PKN2: variants seen among roughly 807,000 people sequenced by gnomAD.
The protein encoded by PKN2 is serine/threonine-protein kinase N2.
In PKN2, 38 loss-of-function variants were observed where a neutral mutation model predicts 119.1. The ratio of observed to expected loss-of-function variants is 0.32; its 90% CI spans 0.25 to 0.42. The LOEUF (loss-of-function observed/expected upper bound fraction) is 0.42. PKN2 is among the 10% of genes least tolerant of loss of function. The probability of loss-of-function intolerance (pLI) is 1.00; values close to 1 mark genes in which losing one functional copy is unlikely to be tolerated. For synonymous variants in PKN2, 390 were observed against 384.9 expected (o/e 1.01, Z -0.15); for missense variants, 850 against 1,165.1 (o/e 0.73, Z 3.94).
intron 8 of PKN2, among the ~76,000 whole-genome samples, chr1:88,801,918 T>C (rs916091437): frequency 3.9e-5 from 6 of 152,224 alleles, no homozygotes; most frequent in African/African-American, 1.4e-4. Context: ...GATTACTGAT[T>C]TGCTAATAAC....
chr1:88,756,737 G>A (rs6704399), intron 2 of PKN2, among the ~76,000 whole-genome samples: 77,241 of 152,026 alleles, frequency 0.51, 20,324 homozygotes, highest in Middle Eastern at 0.7. Context: ...TTCAGTCATT[G>A]TTATAATGCG....
chr1:88,713,017 A>G (rs1667297393), intron 1 of PKN2, among the ~76,000 whole-genome samples: 1 of 152,018 alleles, frequency 6.6e-6, no homozygotes, highest in Admixed American at 6.6e-5. Flanking sequence ...GAGTGAGAAC[A>G]TGCAATGTTT....
intron 8 of PKN2, among the ~76,000 whole-genome samples, chr1:88,796,097 A>G (rs867431431): frequency 9.2e-5 from 14 of 152,336 alleles, no homozygotes; most frequent in African/African-American, 3.4e-4. Context: ...CTTTTTAGCA[A>G]CTATACAGGT....
intron 8 of PKN2, among the ~76,000 whole-genome samples, chr1:88,792,655 C>T (rs1670893467): frequency 6.6e-6 from 1 of 152,130 alleles, no homozygotes; most frequent in Non-Finnish European, 1.5e-5. Flanking sequence ...GCAAAAAATA[C>T]AAGGTTTTTG....
intron 8 of PKN2, among the ~76,000 whole-genome samples, chr1:88,790,089 C>G (rs1367575907): frequency 1.3e-5 from 2 of 152,164 alleles, no homozygotes; most frequent in Non-Finnish European, 2.9e-5. Flanking sequence ...CATTTCTTCC[C>G]CATTAGAAGC....
intron 1 of PKN2, among the ~76,000 whole-genome samples, chr1:88,729,995 T>C (rs1668074195): frequency 1.3e-5 from 2 of 152,000 alleles, no homozygotes; most frequent in South Asian, 4.1e-4. Flanking sequence ...AAACCCCGTC[T>C]CTACTAAAAA....
Position 88,812,530 on chromosome 1 carries a change from A to G in PKN2, c.2103-1027A>G, listed in dbSNP as rs1018066527. ...CAAGGCAGGAGGATTGCTTGAGACC[A>G]GAAGTTCAAGACAAGCCTGGGCAAC... On this transcript the variant is annotated intron_variant, in intron 15 of 21. Transcript: ENST00000370521. Among the ~76,000 whole-genome samples the G allele has an allele frequency of 7.9e-5, 12 of 152,318 alleles. No individual in the cohort carries two copies. In the East Asian group the frequency reaches 1.5e-3, roughly 20 times the overall value.
intron 15 of PKN2, among the ~76,000 whole-genome samples, chr1:88,811,391 T>G (rs1294186603): frequency 1.3e-5 from 2 of 152,190 alleles, no homozygotes; most frequent in African/African-American, 4.8e-5. Context: ...TATCTGAAAA[T>G]GTAATGAACT....
intron 1 of PKN2, among the ~76,000 whole-genome samples, chr1:88,715,721 T>G (rs1290096687): frequency 6.6e-6 from 1 of 152,194 alleles, no homozygotes; most frequent in Non-Finnish European, 1.5e-5. Context: ...TCCATCAATT[T>G]TGTTGATCTT....
chr1:88,784,502 A>G, intron 6 of PKN2, 137 bp from the exon 7 acceptor site: 3 of 433,446 alleles, frequency 6.9e-6, no homozygotes, highest in Non-Finnish European at 1.2e-5. Flanking sequence ...GATGATAGCT[A>G]CCTCATAGAT....
At chr1:88,770,577 CTT>C (rs775781394) in intron 4 of PKN2, 108 bp downstream of exon 4, 559 of 452,158 alleles carry the variant, frequency 1.2e-3, no homozygotes, top group East Asian at 2.0e-3. Flanking sequence ...ATTACTATTA[CTT>C]TTTTTTTTTT....
intron 6 of PKN2, among the ~76,000 whole-genome samples, chr1:88,777,305 TTTC>T (rs1276774527): frequency 6.6e-6 from 1 of 152,168 alleles, no homozygotes; most frequent in East Asian, 1.9e-4. Flanking sequence ...ACACATCACT[TTTC>T]TTGTTTCCCC....
At chr1:88,740,966 T>C (rs371415460) in intron 1 of PKN2, 22 bp from the exon 2 acceptor site, 1 of 1,518,212 alleles carries the variant, frequency 6.6e-7, no homozygotes. Context: ...CTCCCACATT[T>C]GTATGTTTAT....
intron 1 of PKN2, among the ~76,000 whole-genome samples, chr1:88,706,756 T>G (rs1476535084): frequency 6.6e-6 from 1 of 152,174 alleles, no homozygotes; most frequent in Non-Finnish European, 1.5e-5. Flanking sequence ...TTTAGCATCA[T>G]TGCACAGTTT....
At chr1:88,698,594 A>C (rs554848669) in intron 1 of PKN2, among the ~76,000 whole-genome samples, 1 of 152,308 alleles carries the variant, frequency 6.6e-6, no homozygotes, top group Non-Finnish European at 1.5e-5. Context: ...ATTTTTGAAA[A>C]TAATCCATGT....
chr1:88,806,224 G>A (rs1365277360), intron 12 of PKN2: 11 of 513,988 alleles, frequency 2.1e-5, no homozygotes, highest in African/African-American at 5.8e-5. Context: ...GCATGATCTC[G>A]GCTCACTGCA....
intron 1 of PKN2, among the ~76,000 whole-genome samples, chr1:88,730,461 G>A (rs937954609): frequency 1.5e-4 from 23 of 152,174 alleles, no homozygotes; most frequent in African/African-American, 5.5e-4. Flanking sequence ...GTTACAAGAT[G>A]ACTGCTGTAC....
At position 88,807,695 on chromosome 1, in the gene PKN2, T is replaced by C; in HGVS notation, c.2022T>C (p.Ala674=). The change falls in exon 15 of 22, where the codon GCT becomes GCC. Residue 674 remains alanine, a synonymous_variant. Transcript: ENST00000370521. ...TAATTTTATTTCAGGTGCTTTTAGCTGAATATAAAAACACAAATGAGATGT... is the reference window on the plus strand; with the variant it reads ...TAATTTTATTTCAGGTGCTTTTAGCCGAATATAAAAACACAAATGAGATGT... ...GRGHFGKVLL[A]EYKNTNEMFA... is the part of the protein sequence containing the mutation. The C allele has an allele frequency of 6.3e-7, 1 of 1,594,148 alleles. No homozygotes were observed. Among genetic ancestry groups the C allele is most frequent in the South Asian group, 1.1e-5 (1 of 87,552 alleles).
Position 88,751,176 on chromosome 1 carries a change from C to G in PKN2, c.350-9046C>G, listed in dbSNP as rs563556082. On this transcript the variant is annotated intron_variant, in intron 2 of 21. Coordinates refer to ENST00000370521, the MANE Select transcript of PKN2 (RefSeq NM_006256.4). ...TTTTTTTACCTCTCTTTTTACCTCT[C>G]TATACTTAGGCACGTGTGTGTGTGT... is the stretch of plus-strand genomic sequence containing the variant. 3.3e-5 allele frequency among the ~76,000 whole-genome samples: 5 copies of G among 152,130 alleles called. No homozygotes were observed. The East Asian group carries it at 9.6e-4, about 29-fold the overall frequency.
Sources: allele counts gnomAD v4.1 joint callset (sites outside exome capture counted in the v4.1 genomes callset), GRCh38; gene constraint gnomAD v4.1.1; transcripts MANE v1.5; gene names NCBI Gene and HGNC (gene_info 2026-07-23, HGNC 2026-07-21).